Variants in CAMK4 observed in about 807,000 individuals in gnomAD.
CAMK4 encodes the protein calcium/calmodulin dependent protein kinase IV, also known as calcium/calmodulin-dependent protein kinase type IV.
A neutral mutation model predicts 44.9 loss-of-function variants in CAMK4; 22 were observed. That is an observed-to-expected ratio of 0.49 (90% confidence interval 0.35 to 0.70). The LOEUF (loss-of-function observed/expected upper bound fraction) is 0.70, where lower values mean the gene tolerates loss of function less well. CAMK4 is among the 30% of genes least tolerant of loss of function. CAMK4 has a pLI of 0.01. For synonymous variants in CAMK4, 218 were observed against 215.4 expected, an observed-to-expected ratio of 1.01 and a Z score of -0.11; for missense variants, 498 against 586.8, an observed-to-expected ratio of 0.85 and a Z score of 1.56.
chr5:111,317,898 T>TAACAAAAAAAAAAA (rs1748495372), intron 1 of CAMK4, among the ~76,000 whole-genome samples: 1 of 69,820 alleles, frequency 1.4e-5, no homozygotes. Flanking sequence ...GAGTAATATG[T>TAACAAAAAAAAAAA]AAAAAAAAAA....
intron 2 of CAMK4, among the ~76,000 whole-genome samples, chr5:111,355,086 A>G (rs772934623): frequency 2.6e-5 from 4 of 152,130 alleles, no homozygotes; most frequent in Non-Finnish European, 4.4e-5. Flanking sequence ...TCAGTGATGG[A>G]TAAGAGAATA....
chr5:111,441,156 AT>A (rs1753809670), intron 5 of CAMK4, among the ~76,000 whole-genome samples: 1 of 152,206 alleles, frequency 6.6e-6, no homozygotes, highest in African/African-American at 2.4e-5. Flanking sequence ...TGCAAAAAAA[AT>A]CTCAATATAC....
chr5:111,259,374 T>C (rs1220741607), intron 1 of CAMK4, among the ~76,000 whole-genome samples: 2 of 152,220 alleles, frequency 1.3e-5, no homozygotes, highest in East Asian at 3.8e-4. Context: ...ACAATAGTTT[T>C]CTCAGTGTAA....
chr5:111,275,113 C>T (rs1290926574), intron 1 of CAMK4, among the ~76,000 whole-genome samples: 1 of 152,102 alleles, frequency 6.6e-6, no homozygotes, highest in Non-Finnish European at 1.5e-5. Flanking sequence ...ACCTCACATA[C>T]TTATCAGTTC....
At chr5:111,324,631 T>C (rs919051351) in intron 1 of CAMK4, among the ~76,000 whole-genome samples, 2 of 151,978 alleles carry the variant, frequency 1.3e-5, no homozygotes, top group Non-Finnish European at 2.9e-5. Flanking sequence ...CTCTCAAAAA[T>C]TGTTAGAACA....
chr5:111,224,489 CA>C lies in CAMK4; in HGVS notation c.9del (p.Val4SerfsTer39). 6.2e-7 allele frequency: 1 copy of C among 1,603,426 alleles called. No individual in the cohort carries two copies. On this transcript the variant is annotated frameshift_variant, in exon 1 of 11. Coordinates refer to ENST00000282356, the MANE Select transcript of CAMK4 (RefSeq NM_001744.6). LOFTEE classifies it high-confidence loss of function. This position sits in a 1 kb window ranked among gnomAD's most constrained non-coding sequence, Gnocchi z 5.7. ML[K>X]VTVPSCSASS... ...TCCGGAGTCCCGCTGCGAAGATGCT[CA>C]AAGTCACGGTGCCCTCCTGCTCCGC...
At chr5:111,234,413 A>C (rs1748622994) in intron 1 of CAMK4, among the ~76,000 whole-genome samples, 1 of 152,188 alleles carries the variant, frequency 6.6e-6, no homozygotes, top group Non-Finnish European at 1.5e-5. Context: ...TACAGATTGC[A>C]CATCAAGCAG....
chr5:111,483,715 C>G (rs986018518), intron 10 of CAMK4, among the ~76,000 whole-genome samples: 1 of 152,096 alleles, frequency 6.6e-6, no homozygotes, highest in Non-Finnish European at 1.5e-5. Flanking sequence ...AACTAGTGTT[C>G]CGTAAAACAA....
Position 111,332,942 on chromosome 5 carries a change from C to T in CAMK4, c.162-11082C>T, listed in dbSNP as rs550994066. On this transcript the variant is annotated intron_variant, in intron 1 of 10. Transcript: ENST00000282356. ...CTGAACAAGTAAAATGTGGTATATT[C>T]GTTGAGTGGCAGCAATTAACAGGAC... Among the ~76,000 whole-genome samples, 7 of 151,578 alleles carry T rather than the reference C, an allele frequency of 4.6e-5. No homozygotes were observed. The East Asian group carries it at 1.2e-3, about 25-fold the overall frequency.
chr5:111,389,875 A>C (rs1284168693), intron 4 of CAMK4, among the ~76,000 whole-genome samples: 4 of 151,652 alleles, frequency 2.6e-5, no homozygotes, highest in African/African-American at 9.8e-5. Context: ...TTTGTGCTGG[A>C]TGATAGAGAT....
intron 5 of CAMK4, among the ~76,000 whole-genome samples, chr5:111,443,279 T>TATATATATATATATATATATATAC (rs1401315422): frequency 2.7e-5 from 1 of 37,462 alleles, no homozygotes; most frequent in Non-Finnish European, 5.4e-5. Context: ...TATATATATA[T>TATATATATATATATATATATATAC]ACACACACAC....
chr5:111,290,124 G>A lies in CAMK4; in HGVS notation c.162-53900G>A, dbSNP rs115136983. Reference sequence around the variant, plus strand: ...GTGCATTCAAGGCCTGTCAAGTATCGTATATATGCCATTGGTTCAACACAT... The same window carrying A: ...GTGCATTCAAGGCCTGTCAAGTATCATATATATGCCATTGGTTCAACACAT... On this transcript the variant is annotated intron_variant, in intron 1 of 10. Transcript: ENST00000282356. The surrounding 1 kb of genome is among the most constrained non-coding windows in gnomAD (Gnocchi z 4.5). Among the ~76,000 whole-genome samples the A allele has an allele frequency of 4.1e-3, 623 of 152,230 alleles. 4 individuals carry two copies. Among genetic ancestry groups the A allele is most frequent in the African/African-American group, 8.8e-3 (364 of 41,546 alleles).
chr5:111,243,718 G>A (rs4246009), intron 1 of CAMK4, among the ~76,000 whole-genome samples: 150,896 of 152,306 alleles, frequency 0.99, 74,759 homozygotes, highest in Middle Eastern at 1. Flanking sequence ...ATTCAGGCAA[G>A]TATCTCTGGG....
At chr5:111,328,659 C>T (rs1340244009) in intron 1 of CAMK4, among the ~76,000 whole-genome samples, 1 of 151,984 alleles carries the variant, frequency 6.6e-6, no homozygotes, top group African/African-American at 2.4e-5. Flanking sequence ...AATGTTCTTC[C>T]ATTTGTTTGT....
chr5:111,492,370 G>A lies in CAMK4; in HGVS notation c.*7904G>A, dbSNP rs995598496. ...ATAATATAGCCACTAGGATACACTC[G>A]CTGTAGAACTCAGAACAAAAGATAT... On this transcript the variant is annotated 3_prime_UTR_variant, in exon 11 of 11. Transcript: ENST00000282356. 6.6e-6 allele frequency: 1 copy of A among 151,984 alleles called. No homozygotes were observed. The highest frequency in any genetic ancestry group is 1.5e-5 in the Non-Finnish European group (1 of 67,982). 9.4% of individuals were successfully genotyped at this position (151,984 alleles called of 1,614,324 possible).
chr5:111,325,585 A>T (rs184855122), intron 1 of CAMK4, among the ~76,000 whole-genome samples: 1 of 152,070 alleles, frequency 6.6e-6, no homozygotes, highest in Non-Finnish European at 1.5e-5. Context: ...CTGGCATGCG[A>T]TGGTATCTCA....
chr5:111,431,468 A>G (rs1753439420), intron 5 of CAMK4, among the ~76,000 whole-genome samples: 1 of 152,174 alleles, frequency 6.6e-6, no homozygotes, highest in Admixed American at 6.5e-5. Flanking sequence ...TTTTTGAACA[A>G]TACCCCACAA....
At chr5:111,450,932 T>C (rs1193622315) in intron 7 of CAMK4, among the ~76,000 whole-genome samples, 1 of 152,126 alleles carries the variant, frequency 6.6e-6, no homozygotes, top group Non-Finnish European at 1.5e-5. Context: ...CTATAGCGCT[T>C]ATATTTGAGG....
intron 1 of CAMK4, among the ~76,000 whole-genome samples, chr5:111,263,566 A>T (rs1750091629): frequency 6.6e-6 from 1 of 152,170 alleles, no homozygotes; most frequent in Non-Finnish European, 1.5e-5. Flanking sequence ...AATCCAGTTC[A>T]ACACCCTACA....
Sources: allele counts gnomAD v4.1 joint callset (sites outside exome capture counted in the v4.1 genomes callset), GRCh38; gene constraint gnomAD v4.1.1; non-coding constraint Gnocchi (gnomAD v3.1); transcripts MANE v1.5; gene names NCBI Gene and HGNC (gene_info 2026-07-23, HGNC 2026-07-21).